MYOCD: variants seen among roughly 807,000 people sequenced by gnomAD.
The protein encoded by MYOCD is myocardin.
A neutral mutation model predicts 96.1 loss-of-function variants in MYOCD; 32 were observed. That is an observed-to-expected ratio of 0.33 (90% CI 0.25 to 0.45). The LOEUF is 0.45. MYOCD is among the 20% of genes least tolerant of loss of function. MYOCD has a pLI of 1.00. For synonymous variants in MYOCD, 469 were observed against 469.0 expected (o/e 1.00, Z 0.00); for missense variants, 1,133 against 1,200.6 (o/e 0.94, Z 0.83).
At chr17:12,681,982 C>CA (rs1169647077) in intron 1 of MYOCD, among the ~76,000 whole-genome samples, 1 of 152,176 alleles carries the variant, frequency 6.6e-6, no homozygotes, top group African/African-American at 2.4e-5. Context: ...AGGCAAGGAG[C>CA]AAATTGAGCT....
intron 1 of MYOCD, among the ~76,000 whole-genome samples, chr17:12,675,689 C>A (rs1567566780): frequency 6.6e-6 from 1 of 152,076 alleles, no homozygotes; most frequent in Non-Finnish European, 1.5e-5. Context: ...AAAACCCGTC[C>A]CTACTAAAAA....
Position 12,745,984 on chromosome 17 carries a change from T to C in MYOCD, c.1037T>C (p.Leu346Ser). The change falls in exon 9 of 14, where the codon TTG becomes TCG. Residue 346 changes from leucine (L) to serine (S), a missense_variant. Physicochemically the swap from Leu to Ser is moderately radical, Grantham distance 145. Transcript: ENST00000425538. ...SSSTPLSNTP[L>S]SPVKNSFSGQ... is the part of the protein sequence containing the mutation. ...TCAACGCCACTGAGCAATACCCCCT[T>C]GTCTCCTGTCAAAAACAGTTTTTCT... 1 of 1,614,216 alleles carries C rather than the reference T, an allele frequency of 6.2e-7. No homozygotes were observed. The highest frequency in any genetic ancestry group is 8.5e-7 in the Non-Finnish European group (1 of 1,180,024).
chr17:12,705,899 G>A (rs1365255997), intron 2 of MYOCD: 2 of 152,146 alleles, frequency 1.3e-5, no homozygotes, highest in Non-Finnish European at 2.9e-5. Context: ...CAGAAATTCA[G>A]GTGTCTGTAA....
chr17:12,763,730 CAGA>C lies in MYOCD; in HGVS notation c.*99_*101del, dbSNP rs547629801. 6.1e-4 allele frequency: 707 copies of C among 1,153,642 alleles called. 1 individual carries two copies. The highest frequency in any genetic ancestry group is 2.5e-3 in the Middle Eastern group (12 of 4,858). The allele number at this position is 1,153,642 out of a possible 1,614,324, so 71.5% of individuals were successfully genotyped here. On this transcript the variant is annotated 3_prime_UTR_variant, in exon 14 of 14. Coordinates refer to ENST00000425538, the MANE Select transcript of MYOCD (RefSeq NM_001146312.3). ...CCATACATACTTTACTGTCCAAAAA[CAGA>C]AGAAGAAGAAGAGAATTAAAAAGAA...
intron 5 of MYOCD, among the ~76,000 whole-genome samples, chr17:12,730,132 G>A (rs1309785656): frequency 1.3e-5 from 2 of 151,776 alleles, no homozygotes; most frequent in East Asian, 1.9e-4. Context: ...GGGTGACAGA[G>A]TGAGACCCTA....
At chr17:12,701,721 T>C (rs191506166) in intron 1 of MYOCD, among the ~76,000 whole-genome samples, 79 of 152,266 alleles carry the variant, frequency 5.2e-4, no homozygotes, top group African/African-American at 1.8e-3. Flanking sequence ...AGTTGTAATA[T>C]GGGTTATGGG....
rs2286389 is a variant in MYOCD at position 12,764,736 on chromosome 17, T to G, written c.*1092T>G. 2,931 of 152,300 alleles carry G rather than the reference T, an allele frequency of 0.019. 68 individuals are homozygous for G. Among genetic ancestry groups the G allele is most frequent in the East Asian group, 0.08 (416 of 5,174 alleles). The allele number at this position is 152,300 out of a possible 1,614,324, so 9.4% of individuals were successfully genotyped here. A position where few individuals can be genotyped will look rare whatever the true frequency, so the allele number is the denominator to read the frequency against. ...TCCTTTCCTGTTCCTCGTTTGGCCA[T>G]CTTTCTTTTTCTGCCTCCACATTGG... On this transcript the variant is annotated 3_prime_UTR_variant, in exon 14 of 14. Coordinates refer to ENST00000425538, the MANE Select transcript of MYOCD (RefSeq NM_001146312.3).
chr17:12,718,952 T>C (rs1178415675), intron 4 of MYOCD, among the ~76,000 whole-genome samples: 1 of 151,814 alleles, frequency 6.6e-6, no homozygotes, highest in Non-Finnish European at 1.5e-5. Flanking sequence ...GGCTGGCAGA[T>C]CATTTGAGGT....
intron 5 of MYOCD, among the ~76,000 whole-genome samples, chr17:12,730,354 A>G (rs2032132767): frequency 6.6e-6 from 1 of 151,752 alleles, no homozygotes; most frequent in South Asian, 2.1e-4. Context: ...AGGCTGAGGC[A>G]GGAGAATCGC....
At position 12,760,692 on chromosome 17, in the gene MYOCD, C is replaced by T; in HGVS notation, c.2374C>T (p.Leu792Phe). 6.2e-7 allele frequency: 1 copy of T among 1,613,852 alleles called. No homozygotes were observed. The highest frequency in any genetic ancestry group is 8.5e-7 in the Non-Finnish European group (1 of 1,179,848). ...GCAGATGGATGAACTCCTGGACGTGCTTATTGAAAGCGGAGGTAAGACTGC... is the reference window on the plus strand; with the variant it reads ...GCAGATGGATGAACTCCTGGACGTGTTTATTGAAAGCGGAGGTAAGACTGC... ...SQQMDELLDV[L>F]IESGEMPADA... The change falls in exon 13 of 14, where the codon CTT (leucine) becomes TTT (phenylalanine). Residue 792 changes from leucine to phenylalanine, a missense_variant. Leu to Phe is a conservative substitution (Grantham distance 22, BLOSUM62 0). Transcript: ENST00000425538.
intron 4 of MYOCD, among the ~76,000 whole-genome samples, chr17:12,719,337 C>G (rs902043293): frequency 2.6e-5 from 4 of 151,768 alleles, no homozygotes; most frequent in African/African-American, 4.8e-5. Flanking sequence ...AATTTGATAA[C>G]CTGTATCAAA....
chr17:12,726,040 AT>A (rs944568822), intron 5 of MYOCD, among the ~76,000 whole-genome samples: 12 of 152,288 alleles, frequency 7.9e-5, no homozygotes, highest in African/African-American at 2.9e-4. Context: ...CTAGTATTTT[AT>A]TTGGGATTTT....
chr17:12,680,828 AGTTGAACACTT>A (rs1910413543), intron 1 of MYOCD, among the ~76,000 whole-genome samples: 1 of 152,164 alleles, frequency 6.6e-6, no homozygotes, highest in Non-Finnish European at 1.5e-5. Flanking sequence ...CAGCCGTGCT[AGTTGAACACTT>A]GTAGTGACAG....
Position 12,758,218 on chromosome 17 carries a change from C to T in MYOCD, c.2331+5C>T, listed in dbSNP as rs1265056864. ...TATGAAGATGCCGTAAAGCAGGTAA[C>T]CATGTGATTTGTTCTTTATGGAAGA... On this transcript the variant is annotated splice_donor_5th_base_variant and intron_variant, in intron 12 of 13. Coordinates refer to ENST00000425538, the MANE Select transcript of MYOCD (RefSeq NM_001146312.3). 1.2e-6 allele frequency: 2 copies of T among 1,614,020 alleles called. No individual in the cohort carries two copies. Among genetic ancestry groups the T allele is most frequent in the Non-Finnish European group, 8.5e-7 (1 of 1,179,952 alleles).
intron 9 of MYOCD, among the ~76,000 whole-genome samples, chr17:12,747,127 A>G (rs977618285): frequency 1.3e-5 from 2 of 152,060 alleles, no homozygotes; most frequent in African/African-American, 2.4e-5. Flanking sequence ...TGTCTCCCCA[A>G]TTTAAAAAGT....
intron 1 of MYOCD, among the ~76,000 whole-genome samples, chr17:12,695,116 G>A (rs867388047): frequency 2.4e-4 from 36 of 152,126 alleles, no homozygotes; most frequent in African/African-American, 8.0e-4. Flanking sequence ...GATGATCTTA[G>A]TCCATTCAGA....
At chr17:12,688,861 A>G (rs1366260638) in intron 1 of MYOCD, among the ~76,000 whole-genome samples, 3 of 152,030 alleles carry the variant, frequency 2.0e-5, no homozygotes, top group Non-Finnish European at 2.9e-5. Flanking sequence ...CTGCTAGGAC[A>G]CTTGGCCTAT....
intron 8 of MYOCD, 130 bp downstream of exon 8, chr17:12,744,566 G>A: frequency 1.4e-5 from 18 of 1,308,000 alleles, no homozygotes; most frequent in Non-Finnish European, 1.8e-5. Flanking sequence ...AGTATGTTTG[G>A]AAGGTGACTC....
At chr17:12,734,980 G>A (rs997339306) in intron 5 of MYOCD, among the ~76,000 whole-genome samples, 5 of 152,172 alleles carry the variant, frequency 3.3e-5, no homozygotes, top group African/African-American at 1.2e-4. Flanking sequence ...GTTTCCCCCT[G>A]CCCTGTCCTT....
Sources: gnomAD v4.1 joint callset for allele counts (sites outside exome capture counted in the v4.1 genomes callset) on GRCh38, gnomAD v4.1.1 for gene constraint, MANE v1.5 for transcripts, NCBI Gene and HGNC (gene_info 2026-07-23, HGNC 2026-07-21) for gene names.